The following UBAP1 variants were observed in gnomAD, a reference collection of about 807,000 sequenced individuals.
UBAP1 encodes ubiquitin-associated protein 1.
UBAP1 carries 5 observed loss-of-function variants against 39.0 expected under a neutral mutation model. The observed-to-expected ratio is 0.13, with a 90% CI of 0.07 to 0.27. The LOEUF is 0.27. UBAP1 is among the 10% of genes least tolerant of loss of function. UBAP1 has a pLI of 1.00. For synonymous variants in UBAP1, 211 were observed against 225.1 expected (o/e 0.94, Z 0.56); for missense variants, 490 against 608.1 (o/e 0.81, Z 2.04).
At chr9:34,181,804 C>T (rs1475821555) in intron 1 of UBAP1, among the ~76,000 whole-genome samples, 2 of 142,390 alleles carry the variant, frequency 1.4e-5, no homozygotes, top group African/African-American at 2.6e-5. Flanking sequence ...TCTTCAGTTT[C>T]TTTCGTTTAG....
At position 34,231,127 on chromosome 9, in the gene UBAP1, A is replaced by ATGTGTGTGTGTG. The variant is rs6150983; in HGVS notation, c.35-3051_35-3040dup. Among the ~76,000 whole-genome samples the ATGTGTGTGTGTG allele has an allele frequency of 6.0e-3, 820 of 137,094 alleles. 9 individuals carry two copies. Among genetic ancestry groups the ATGTGTGTGTGTG allele is most frequent in the African/African-American group, 0.016 (568 of 36,150 alleles). The allele number at this position is 137,094 out of a possible 152,430, so 89.9% of individuals were successfully genotyped here. ...GGGCAAATGTCTCTTTAAAAAAATT[A>ATGTGTGTGTGTG]TGTGTGTGTGTGTGTGTGTGTGTGT... On this transcript the variant is annotated intron_variant, in intron 2 of 6. Transcript: ENST00000297661.
At chr9:34,236,021 C>G (rs1489279517) in intron 3 of UBAP1, among the ~76,000 whole-genome samples, 1 of 151,664 alleles carries the variant, frequency 6.6e-6, no homozygotes, top group Non-Finnish European at 1.5e-5. Flanking sequence ...CTACCATGCC[C>G]GGCTAATTTT....
chr9:34,228,429 AAAAAAG>A (rs1194314094), intron 2 of UBAP1, among the ~76,000 whole-genome samples: 1 of 151,794 alleles, frequency 6.6e-6, no homozygotes, highest in African/African-American at 2.4e-5. Context: ...AAAAAAAAAA[AAAAAAG>A]AAAAAGAAAA....
intron 2 of UBAP1, among the ~76,000 whole-genome samples, chr9:34,222,053 C>A (rs1448660480): frequency 6.6e-6 from 1 of 152,094 alleles, no homozygotes; most frequent in Non-Finnish European, 1.5e-5. Flanking sequence ...TGCTTGATCC[C>A]AGAAGTTTGA....
At chr9:34,236,393 AAATCACCT>A (rs1211507397) in intron 3 of UBAP1, among the ~76,000 whole-genome samples, 2 of 152,158 alleles carry the variant, frequency 1.3e-5, no homozygotes, top group Non-Finnish European at 2.9e-5. Context: ...CTCACCGATG[AAATCACCT>A]AACATGCATT....
chr9:34,226,670 G>A (rs1367461962), intron 2 of UBAP1, among the ~76,000 whole-genome samples: 1 of 152,146 alleles, frequency 6.6e-6, no homozygotes, highest in Non-Finnish European at 1.5e-5. Flanking sequence ...GATCACATAT[G>A]CATTAGGTTG....
rs1385344969 is a variant in UBAP1 at position 34,251,598 on chromosome 9, G to A, written c.*66G>A. 5.1e-6 allele frequency: 8 copies of A among 1,556,354 alleles called. No individual in the cohort carries two copies. The South Asian group carries it at 5.9e-5, about 11-fold the overall frequency. The stretch of plus-strand genomic sequence containing the variant: ...CTGGGAGGCCCTGCAGAGCCCACCT[G>A]TGGGGAAAGAGAAGGGGCAGCTTCC... On this transcript the variant is annotated 3_prime_UTR_variant, in exon 7 of 7. Transcript: ENST00000297661.
chr9:34,223,466 T>C (rs964189081), intron 2 of UBAP1, among the ~76,000 whole-genome samples: 13 of 152,098 alleles, frequency 8.5e-5, no homozygotes, highest in Non-Finnish European at 1.6e-4. Flanking sequence ...TTTGTTTGTT[T>C]GTTTTTGAGA....
At chr9:34,224,287 C>T (rs17258212) in intron 2 of UBAP1, 169,610 of 461,880 alleles carry the variant, frequency 0.37, 35,074 homozygotes, top group Non-Finnish European at 0.45. Context: ...ACTGTCCATA[C>T]GGTGTGCTGT....
intron 1 of UBAP1, among the ~76,000 whole-genome samples, chr9:34,213,485 T>G (rs566955455): frequency 6.6e-6 from 1 of 152,226 alleles, no homozygotes; most frequent in Non-Finnish European, 1.5e-5. Flanking sequence ...CACTCCAGCA[T>G]GGGCGACAGA....
At chr9:34,200,139 C>T (rs187751007) in intron 1 of UBAP1, among the ~76,000 whole-genome samples, 167 of 152,124 alleles carry the variant, frequency 1.1e-3, no homozygotes, top group Non-Finnish European at 1.7e-3. Context: ...CTGTTTTCCT[C>T]GTAATTAGAC....
intron 1 of UBAP1, among the ~76,000 whole-genome samples, chr9:34,187,535 G>A (rs1830470051): frequency 6.6e-6 from 1 of 152,148 alleles, no homozygotes; most frequent in African/African-American, 2.4e-5. Context: ...ACCTTTCTTT[G>A]TGTGGACAGT....
At chr9:34,206,308 G>C (rs559739439) in intron 1 of UBAP1, 1 of 152,176 alleles carries the variant, frequency 6.6e-6, no homozygotes, top group East Asian at 1.9e-4. Context: ...AACCTCATTT[G>C]AAAAATAAGA....
chr9:34,183,896 G>A (rs1223918081), intron 1 of UBAP1, among the ~76,000 whole-genome samples: 1 of 151,434 alleles, frequency 6.6e-6, no homozygotes, highest in Non-Finnish European at 1.5e-5. Flanking sequence ...CCAGGCTCCC[G>A]AGTAGCTGGA....
chr9:34,188,678 CG>C (rs1830549221), intron 1 of UBAP1, among the ~76,000 whole-genome samples: 1 of 151,898 alleles, frequency 6.6e-6, no homozygotes, highest in Non-Finnish European at 1.5e-5. Context: ...TGTCTTGGGC[CG>C]GGTGCGTTGG....
intron 1 of UBAP1, among the ~76,000 whole-genome samples, chr9:34,207,218 G>A (rs549915851): frequency 8.9e-4 from 134 of 151,172 alleles, no homozygotes; most frequent in African/African-American, 3.0e-3. Context: ...GCTAATTTTT[G>A]TATTTTTAGT....
chr9:34,238,735 T>C (rs1833822085), intron 3 of UBAP1, among the ~76,000 whole-genome samples: 1 of 152,208 alleles, frequency 6.6e-6, no homozygotes, highest in Non-Finnish European at 1.5e-5. Context: ...TGTGTAAGAA[T>C]TTTTTTATTG....
At chr9:34,191,074 G>A (rs1295077751) in intron 1 of UBAP1, among the ~76,000 whole-genome samples, 3 of 152,078 alleles carry the variant, frequency 2.0e-5, no homozygotes, top group African/African-American at 7.2e-5. Flanking sequence ...GAGACATTCT[G>A]TATCTGTCCT....
rs565336773 is a variant in UBAP1, at chr9:34,251,306, G to GT, written c.1369-85dup. ...GATGTAGACATTCTGCTCTCCCCCA[G>GT]TCCCCGTCCCACACACACACTCCTT... On this transcript the variant is annotated intron_variant, in intron 6 of 6. Coordinates refer to ENST00000297661, the MANE Select transcript of UBAP1 (RefSeq NM_016525.5). 2,737 of 1,426,998 alleles carry GT rather than the reference G, an allele frequency of 1.9e-3. 9 individuals are homozygous for GT. Among genetic ancestry groups the GT allele is most frequent in the Middle Eastern group, 0.011 (59 of 5,600 alleles). The allele number at this position is 1,426,998 out of a possible 1,614,324, so 88.4% of individuals were successfully genotyped here. A position where few individuals can be genotyped will look rare whatever the true frequency, so the allele number is the denominator to read the frequency against.
Sources: gnomAD v4.1 joint callset for allele counts (sites outside exome capture counted in the v4.1 genomes callset) on GRCh38, gnomAD v4.1.1 for gene constraint, MANE v1.5 for transcripts, NCBI Gene and HGNC (gene_info 2026-07-23, HGNC 2026-07-21) for gene names.